Variants in RYR2 observed in about 807,000 individuals in gnomAD.
RYR2 encodes cardiac muscle ryanodine receptor-calcium release channel.
In RYR2, 227 loss-of-function variants were observed where a neutral mutation model predicts 601.1. That is an observed-to-expected ratio of 0.38 (90% confidence interval 0.34 to 0.42). RYR2 has a LOEUF of 0.42. Ranked by LOEUF, RYR2 falls within the 10% of genes least tolerant of loss-of-function variation. The pLI is 1.00. For synonymous variants in RYR2, 2,223 were observed against 2,175.1 expected, an observed-to-expected ratio of 1.02 and a Z score of -0.61; for missense variants, 4,646 against 6,156.5, an observed-to-expected ratio of 0.75 and a Z score of 8.21.
rs575077107 is a variant in RYR2 at position 237,703,968 on chromosome 1, A to T, written c.9450-1245A>T. On this transcript the variant is annotated intron_variant, in intron 66 of 104. Transcript: ENST00000366574. ...CTGGTAGAGGAAACCAAACCAAAACAAACAAGCAAACTGATAAATATTATA... is the reference window on the plus strand; with the variant it reads ...CTGGTAGAGGAAACCAAACCAAAACTAACAAGCAAACTGATAAATATTATA... Among the ~76,000 whole-genome samples, 5 of 152,266 alleles carry T rather than the reference A, an allele frequency of 3.3e-5. No individual in the cohort carries two copies. In the East Asian group the frequency reaches 9.6e-4, roughly 29 times the overall value.
At chr1:237,310,511 A>G (rs528876624) in intron 2 of RYR2, among the ~76,000 whole-genome samples, 1 of 152,286 alleles carries the variant, frequency 6.6e-6, no homozygotes, top group Admixed American at 6.5e-5. Flanking sequence ...GTAATTGACT[A>G]TTATCCTACT....
At chr1:237,364,458 A>AGTATAGCT in intron 5 of RYR2, 86 bp downstream of exon 5, 1 of 649,622 alleles carries the variant, frequency 1.5e-6, no homozygotes, top group South Asian at 2.7e-5. Context: ...TCTGCATATT[A>AGTATAGCT]GTATAGCTGT....
chr1:237,313,957 G>GT (rs34046795), intron 2 of RYR2, among the ~76,000 whole-genome samples: 2,694 of 91,824 alleles, frequency 0.029, 41 homozygotes, highest in Middle Eastern at 0.042. Context: ...ATTTTCAGGT[G>GT]TTTTTTTTTT....
At chr1:237,314,911 C>T (rs1387689403) in intron 2 of RYR2, among the ~76,000 whole-genome samples, 2 of 152,030 alleles carry the variant, frequency 1.3e-5, no homozygotes, top group African/African-American at 2.4e-5. Flanking sequence ...CTGGGATTAG[C>T]TTGGAGAAAA....
intron 1 of RYR2, among the ~76,000 whole-genome samples, chr1:237,257,764 A>T (rs1409616396): frequency 6.6e-6 from 1 of 152,162 alleles, no homozygotes; most frequent in Admixed American, 6.6e-5. Context: ...GAAGGAAGGT[A>T]GGGTGAGAAG....
intron 1 of RYR2, among the ~76,000 whole-genome samples, chr1:237,043,471 T>C (rs1318870418): frequency 1.3e-5 from 2 of 152,184 alleles, no homozygotes; most frequent in Non-Finnish European, 1.5e-5. Context: ...TAAGTACCTC[T>C]TGGCACTGCT....
chr1:237,645,843 T>C (rs1455590638), intron 48 of RYR2, among the ~76,000 whole-genome samples: 1 of 151,948 alleles, frequency 6.6e-6, no homozygotes, highest in Non-Finnish European at 1.5e-5. Flanking sequence ...AACAACACAA[T>C]CCATTGGTAT....
rs1429755489 is a variant in RYR2 at position 237,279,170 on chromosome 1, G to T, written c.168+8554G>T. On this transcript the variant is annotated intron_variant, in intron 2 of 104. Transcript: ENST00000366574. ...TAAACAATGATCATAAGAAAAGCGG[G>T]CTAAATAAAACTGCCTTTACACTTT... 3.3e-5 allele frequency among the ~76,000 whole-genome samples: 5 copies of T among 152,124 alleles called. No individual in the cohort carries two copies. In the East Asian group the frequency reaches 7.7e-4, roughly 23 times the overall value.
At chr1:237,309,679 G>C (rs1388017458) in intron 2 of RYR2, among the ~76,000 whole-genome samples, 2 of 152,100 alleles carry the variant, frequency 1.3e-5, no homozygotes, top group Admixed American at 6.5e-5. Context: ...ATGGAGCAGG[G>C]GGCGGCGCTT....
At chr1:237,711,720 T>C (rs1050276584) in intron 70 of RYR2, 25 bp from the exon 71 acceptor site, 21 of 1,333,630 alleles carry the variant, frequency 1.6e-5, no homozygotes, top group Non-Finnish European at 2.1e-5. Context: ...TGGTTTTAAC[T>C]GAAATTTCCT....
In RYR2 at chr1:237,241,538, C is replaced by T. The variant is rs918861679; in HGVS notation, c.49-28959C>T. Among the ~76,000 whole-genome samples the T allele has an allele frequency of 5.3e-5, 8 of 151,896 alleles. No individual in the cohort carries two copies. The South Asian group carries it at 8.3e-4, about 16-fold the overall frequency. On this transcript the variant is annotated intron_variant, in intron 1 of 104. Transcript: ENST00000366574. ...GAGGCCAAGTGGGTTCTTGGCTTCA[C>T]GCAGGAAAGAATTCAAGAGAGGATA...
chr1:237,189,879 A>T (rs7416949), intron 1 of RYR2, among the ~76,000 whole-genome samples: 110 of 107,786 alleles, frequency 1.0e-3, no homozygotes, highest in African/African-American at 2.0e-3. Context: ...TTTTATTTTT[A>T]TTTTTTTTTT....
intron 25 of RYR2, among the ~76,000 whole-genome samples, chr1:237,537,621 T>C (rs1004912572): frequency 2.6e-5 from 4 of 152,118 alleles, no homozygotes; most frequent in African/African-American, 9.7e-5. Flanking sequence ...GGCCTAAATA[T>C]AGTTTTTATA....
At chr1:237,576,986 T>C (rs1024780541) in intron 29 of RYR2, among the ~76,000 whole-genome samples, 1 of 152,194 alleles carries the variant, frequency 6.6e-6, no homozygotes, top group Non-Finnish European at 1.5e-5. Context: ...AGTACACCCA[T>C]AGAACCTCTT....
chr1:237,305,465 T>C (rs970507301), intron 2 of RYR2, among the ~76,000 whole-genome samples: 4 of 152,236 alleles, frequency 2.6e-5, no homozygotes, highest in African/African-American at 9.6e-5. Flanking sequence ...AGGGTCTCAC[T>C]CTGTCACCCA....
intron 41 of RYR2, among the ~76,000 whole-genome samples, chr1:237,630,740 A>G (rs552917275): frequency 6.6e-6 from 1 of 152,184 alleles, no homozygotes; most frequent in Non-Finnish European, 1.5e-5. Context: ...TATGACCCTT[A>G]GGAATACCTT....
At chr1:237,130,097 A>G (rs1001449631) in intron 1 of RYR2, among the ~76,000 whole-genome samples, 1 of 152,150 alleles carries the variant, frequency 6.6e-6, no homozygotes, top group African/African-American at 2.4e-5. Flanking sequence ...TAGATCTTAA[A>G]CATTCTTACT....
chr1:237,723,528 G>T (rs576214534), intron 74 of RYR2, among the ~76,000 whole-genome samples: 1 of 151,968 alleles, frequency 6.6e-6, no homozygotes, highest in African/African-American at 2.4e-5. Flanking sequence ...GAAAGTATTA[G>T]GATTATATTT....
At chr1:237,778,397 C>A (rs1260234766) in intron 87 of RYR2, among the ~76,000 whole-genome samples, 46 of 145,774 alleles carry the variant, frequency 3.2e-4, no homozygotes, top group South Asian at 6.5e-4. Context: ...AAAGCCAGAC[C>A]AAAAAAAAAA....
Sources: gnomAD v4.1 joint callset for allele counts (sites outside exome capture counted in the v4.1 genomes callset) on GRCh38, gnomAD v4.1.1 for gene constraint, MANE v1.5 for transcripts, NCBI Gene and HGNC (gene_info 2026-07-23, HGNC 2026-07-21) for gene names.